DPYD: variants seen among roughly 807,000 people sequenced by gnomAD.
DPYD encodes the protein dihydropyrimidine dehydrogenase, also known as dihydropyrimidine dehydrogenase [NADP(+)].
In DPYD, 109 loss-of-function variants were observed where a neutral mutation model predicts 116.2. The observed-to-expected ratio is 0.94, with a 90% CI of 0.80 to 1.10. The LOEUF (loss-of-function observed/expected upper bound fraction) is 1.10, where lower values mean the gene tolerates loss of function less well. DPYD is among the 50% of genes least tolerant of loss of function. The pLI is 0.00. For missense variants in DPYD, 1,302 were observed against 1,254.5 expected, an observed-to-expected ratio of 1.04 and a Z score of -0.57; for synonymous variants, 440 against 432.0, an observed-to-expected ratio of 1.02 and a Z score of -0.23.
intron 12 of DPYD, among the ~76,000 whole-genome samples, chr1:97,540,362 CAAAACA>C (rs1432709373): frequency 9.7e-6 from 1 of 103,132 alleles, no homozygotes; most frequent in African/African-American, 4.5e-5. Context: ...GGGCAGGGAA[CAAAACA>C]AAACAAAACA....
At chr1:97,742,516 A>G (rs537512592) in intron 3 of DPYD, among the ~76,000 whole-genome samples, 42 of 152,208 alleles carry the variant, frequency 2.8e-4, no homozygotes, top group African/African-American at 9.4e-4. Context: ...TTAGATTCAC[A>G]TCTATCATTT....
At chr1:97,152,100 G>A (rs896539633) in intron 20 of DPYD, among the ~76,000 whole-genome samples, 2 of 152,086 alleles carry the variant, frequency 1.3e-5, no homozygotes, top group Admixed American at 6.6e-5. Context: ...CTATCAAAAT[G>A]CAGTCAAGGC....
chr1:97,218,514 ACTGT>A (rs1478986076), intron 19 of DPYD, among the ~76,000 whole-genome samples: 1 of 151,298 alleles, frequency 6.6e-6, no homozygotes, highest in Non-Finnish European at 1.5e-5. Flanking sequence ...CCGTCTAGCT[ACTGT>A]CTAACATTGT....
chr1:97,607,180 G>C (rs1455758843), intron 8 of DPYD, among the ~76,000 whole-genome samples: 1 of 151,890 alleles, frequency 6.6e-6, no homozygotes, highest in Non-Finnish European at 1.5e-5. Context: ...GGATGCAGAA[G>C]AATAAAAATA....
chr1:97,191,734 T>C (rs1658387546), intron 20 of DPYD, among the ~76,000 whole-genome samples: 1 of 152,138 alleles, frequency 6.6e-6, no homozygotes, highest in Non-Finnish European at 1.5e-5. Flanking sequence ...TTATAGATGG[T>C]CATAAACTAT....
chr1:97,531,010 G>GCA (rs1649583073), intron 12 of DPYD, among the ~76,000 whole-genome samples: 1 of 151,280 alleles, frequency 6.6e-6, no homozygotes, highest in African/African-American at 2.5e-5. Context: ...TATATTTTTT[G>GCA]GAAATTAACT....
At chr1:97,669,861 T>A (rs1253097294) in intron 8 of DPYD, among the ~76,000 whole-genome samples, 1 of 152,176 alleles carries the variant, frequency 6.6e-6, no homozygotes, top group Non-Finnish European at 1.5e-5. Context: ...CCCTGCCATT[T>A]CCATGCCATT....
chr1:97,482,448 G>T lies in DPYD; in HGVS notation c.1741-32225C>A, dbSNP rs536217110. 1.7e-3 allele frequency among the ~76,000 whole-genome samples: 255 copies of T among 152,240 alleles called. 1 individual carries two copies. The highest frequency in any genetic ancestry group is 5.9e-3 in the African/African-American group (244 of 41,538). ...ATTATTAAGAATGAAGAACTTGAAG[G>T]AAAGATACCGTTTCCATGTGAGTGC... is the stretch of plus-strand genomic sequence containing the variant. On this transcript the variant is annotated intron_variant, in intron 13 of 22. Transcript: ENST00000370192.
chr1:97,294,181 A>G (rs1179163823), intron 18 of DPYD, among the ~76,000 whole-genome samples: 2 of 152,104 alleles, frequency 1.3e-5, no homozygotes, highest in African/African-American at 4.8e-5. Context: ...CATTCCTTGG[A>G]CTCATGGTTT....
At chr1:97,840,113 A>T (rs544320360) in intron 2 of DPYD, among the ~76,000 whole-genome samples, 36 of 152,280 alleles carry the variant, frequency 2.4e-4, no homozygotes, top group African/African-American at 8.7e-4. Context: ...TATTAAGAAT[A>T]ACCAAAAAAT....
At chr1:97,698,151 G>T (rs945024579) in intron 6 of DPYD, among the ~76,000 whole-genome samples, 1 of 151,690 alleles carries the variant, frequency 6.6e-6, no homozygotes, top group African/African-American at 2.4e-5. Flanking sequence ...CATAGTAGTG[G>T]AACATCAGTA....
chr1:97,607,461 C>T (rs1009358992), intron 8 of DPYD, among the ~76,000 whole-genome samples: 2 of 151,746 alleles, frequency 1.3e-5, no homozygotes, highest in Non-Finnish European at 2.9e-5. Flanking sequence ...GAACAAAAAT[C>T]TGAAGCTCAG....
At chr1:97,858,257 G>A (rs571322709) in intron 2 of DPYD, among the ~76,000 whole-genome samples, 1 of 152,228 alleles carries the variant, frequency 6.6e-6, no homozygotes, top group African/African-American at 2.4e-5. Context: ...TATATGAAGT[G>A]CATAACTAAA....
chr1:97,778,192 G>A (rs56067338), intron 3 of DPYD, among the ~76,000 whole-genome samples: 31,712 of 53,286 alleles, frequency 0.6, 8,984 homozygotes, highest in East Asian at 0.72. Context: ...GAAAGAAAGA[G>A]AGAGAGAGAG....
intron 2 of DPYD, among the ~76,000 whole-genome samples, chr1:97,857,928 G>A (rs767668161): frequency 6.6e-6 from 1 of 151,848 alleles, no homozygotes; most frequent in Non-Finnish European, 1.5e-5. Context: ...GACTCAACTG[G>A]TGTCTACTGC....
intron 2 of DPYD, chr1:97,855,263 G>C (rs1248082824): frequency 6.6e-6 from 1 of 152,244 alleles, no homozygotes; most frequent in Admixed American, 6.5e-5. Flanking sequence ...GTTGGCCATG[G>C]TGCTCTGTGT....
At chr1:97,089,019 C>T (rs1649715021) in intron 21 of DPYD, among the ~76,000 whole-genome samples, 2 of 152,098 alleles carry the variant, frequency 1.3e-5, no homozygotes, top group South Asian at 4.2e-4. Flanking sequence ...TATCTGAGTA[C>T]TCTTCTCTTT....
At chr1:97,674,658 T>TAAA (rs547677002) in intron 8 of DPYD, among the ~76,000 whole-genome samples, 4 of 141,726 alleles carry the variant, frequency 2.8e-5, no homozygotes, top group Non-Finnish European at 4.6e-5. Flanking sequence ...CACAGAACTT[T>TAAA]AAAAAAAAAA....
intron 8 of DPYD, among the ~76,000 whole-genome samples, chr1:97,604,413 G>T (rs559399394): frequency 6.6e-6 from 1 of 151,920 alleles, no homozygotes; most frequent in Non-Finnish European, 1.5e-5. Context: ...GAAATTTGTC[G>T]TGCTACCATA....
Sources: allele counts gnomAD v4.1 joint callset (sites outside exome capture counted in the v4.1 genomes callset), GRCh38; gene constraint gnomAD v4.1.1; transcripts MANE v1.5; gene names NCBI Gene and HGNC (gene_info 2026-07-23, HGNC 2026-07-21).